The following TMEM135 variants were observed in gnomAD, a reference collection of about 807,000 sequenced individuals.
The protein encoded by TMEM135 is transmembrane protein 135.
A neutral mutation model predicts 60.3 loss-of-function variants in TMEM135; 30 were observed. The ratio of observed to expected loss-of-function variants is 0.50; its 90% CI spans 0.37 to 0.68. TMEM135 has a LOEUF of 0.68. Among genes scored for constraint, TMEM135 ranks in the 30% least tolerant of loss-of-function variants. The probability of loss-of-function intolerance (pLI) is 0.00; values close to 1 mark genes in which losing one functional copy is unlikely to be tolerated. For missense variants in TMEM135, 468 were observed against 548.8 expected, an observed-to-expected ratio of 0.85 and a Z score of 1.47; for synonymous variants, 190 against 186.7, an observed-to-expected ratio of 1.02 and a Z score of -0.14.
intron 7 of TMEM135, 25 bp downstream of exon 7, chr11:87,295,848 G>A (rs1591176773): frequency 6.3e-7 from 1 of 1,582,990 alleles, no homozygotes; most frequent in Non-Finnish European, 8.7e-7. Context: ...TTTTTATGTT[G>A]AGAGAGAATT....
At chr11:87,159,630 C>T (rs1451275065) in intron 5 of TMEM135, among the ~76,000 whole-genome samples, 1 of 149,068 alleles carries the variant, frequency 6.7e-6, no homozygotes, top group African/African-American at 2.5e-5. Flanking sequence ...ATAGATTTTC[C>T]GAGACGGTTG....
intron 5 of TMEM135, among the ~76,000 whole-genome samples, chr11:87,196,871 A>G (rs1939972623): frequency 6.6e-6 from 1 of 152,158 alleles, no homozygotes; most frequent in African/African-American, 2.4e-5. Flanking sequence ...TTACTATCCA[A>G]AATTGAATTT....
intron 6 of TMEM135, chr11:87,259,144 A>G: frequency 1.5e-6 from 1 of 681,558 alleles, no homozygotes; most frequent in South Asian, 1.5e-5. Flanking sequence ...AGTCTCTCCG[A>G]CCAGGTCTCA....
intron 5 of TMEM135, chr11:87,178,516 C>G: frequency 2.2e-6 from 1 of 456,120 alleles, no homozygotes; most frequent in South Asian, 1.5e-5. Flanking sequence ...GCCTCTGCCT[C>G]CCAGGTTCAA....
At chr11:87,143,144 CTCAGT>C (rs1219231330) in intron 4 of TMEM135, among the ~76,000 whole-genome samples, 1 of 152,038 alleles carries the variant, frequency 6.6e-6, no homozygotes, top group Non-Finnish European at 1.5e-5. Context: ...ACTTTTTTAG[CTCAGT>C]TATTTCCATT....
intron 7 of TMEM135, among the ~76,000 whole-genome samples, chr11:87,296,453 T>C (rs1021225379): frequency 1.3e-5 from 2 of 152,186 alleles, no homozygotes; most frequent in African/African-American, 4.8e-5. Flanking sequence ...GTTAACTATA[T>C]ATACTGACTC....
At chr11:87,172,669 A>G (rs1939271001) in intron 5 of TMEM135, among the ~76,000 whole-genome samples, 1 of 152,110 alleles carries the variant, frequency 6.6e-6, no homozygotes, top group Non-Finnish European at 1.5e-5. Flanking sequence ...TGAATAAGTA[A>G]AAGATTTATT....
chr11:87,120,401 C>G (rs1858020186), intron 4 of TMEM135, among the ~76,000 whole-genome samples: 1 of 149,904 alleles, frequency 6.7e-6, no homozygotes, highest in Admixed American at 6.7e-5. Context: ...AACCACTGTT[C>G]TGGACTACTT....
At chr11:87,089,153 A>G (rs1380799452) in intron 3 of TMEM135, among the ~76,000 whole-genome samples, 1 of 152,212 alleles carries the variant, frequency 6.6e-6, no homozygotes, top group Admixed American at 6.5e-5. Context: ...CAAATACTAC[A>G]AAATACAAAA....
intron 6 of TMEM135, among the ~76,000 whole-genome samples, chr11:87,237,193 G>C (rs1375896922): frequency 6.6e-6 from 1 of 151,916 alleles, no homozygotes; most frequent in South Asian, 2.1e-4. Context: ...AGGTTTGTTG[G>C]GGGCTAAGGG....
intron 5 of TMEM135, among the ~76,000 whole-genome samples, chr11:87,230,409 TAGAG>T (rs1265359565): frequency 6.6e-6 from 1 of 152,104 alleles, no homozygotes; most frequent in Non-Finnish European, 1.5e-5. Context: ...TAATGAATTA[TAGAG>T]AAATTTTTTC....
chr11:87,271,378 A>G (rs1941859094), intron 6 of TMEM135, among the ~76,000 whole-genome samples: 2 of 152,338 alleles, frequency 1.3e-5, no homozygotes, highest in South Asian at 2.1e-4. Flanking sequence ...TTTAATCTTT[A>G]GAAAGTCACT....
chr11:87,193,000 A>G (rs1939850588), intron 5 of TMEM135, among the ~76,000 whole-genome samples: 2 of 152,168 alleles, frequency 1.3e-5, no homozygotes, highest in Non-Finnish European at 2.9e-5. Flanking sequence ...CTGTAGTCCA[A>G]GCTACTTGGG....
intron 5 of TMEM135, among the ~76,000 whole-genome samples, chr11:87,232,322 TAGTTGG>T (rs1287206781): frequency 6.6e-6 from 1 of 152,068 alleles, no homozygotes; most frequent in African/African-American, 2.4e-5. Context: ...CCTATTCATG[TAGTTGG>T]AGTTCTTGAA....
At chr11:87,217,192 G>T (rs1326698647) in intron 5 of TMEM135, among the ~76,000 whole-genome samples, 3 of 152,038 alleles carry the variant, frequency 2.0e-5, no homozygotes, top group African/African-American at 4.8e-5. Flanking sequence ...TGTGATCCAG[G>T]GCTGAGCTCA....
At chr11:87,272,051 C>CTTT (rs773654603) in intron 6 of TMEM135, among the ~76,000 whole-genome samples, 1 of 81,136 alleles carries the variant, frequency 1.2e-5, no homozygotes, top group African/African-American at 4.0e-5. Context: ...TTTTTCTTTT[C>CTTT]TTTTTTTTTT....
rs555447826 is a variant in TMEM135 at position 87,259,437 on chromosome 11, C to CAT, written c.509+22762_509+22763dup. ...AGAGCGGGAATACACACACACACTA[C>CAT]ATATATATATCATGTTACATTTTTT... On this transcript the variant is annotated intron_variant, in intron 6 of 14. Transcript: ENST00000305494. Among the ~76,000 whole-genome samples the CAT allele has an allele frequency of 1.1e-4, 16 of 151,396 alleles. No homozygotes were observed. In the South Asian group the frequency reaches 2.7e-3, roughly 26 times the overall value.
chr11:87,231,559 A>G (rs1326433222), intron 5 of TMEM135, among the ~76,000 whole-genome samples: 1 of 152,200 alleles, frequency 6.6e-6, no homozygotes, highest in Non-Finnish European at 1.5e-5. Flanking sequence ...TGGGAATACA[A>G]ACATAGACAA....
At chr11:87,231,954 C>CT (rs756771540) in intron 5 of TMEM135, among the ~76,000 whole-genome samples, 9,857 of 141,990 alleles carry the variant, frequency 0.069, 354 homozygotes, top group African/African-American at 0.095. Context: ...AGAAAAGAGA[C>CT]TTTTTTTTTT....
Sources: allele counts gnomAD v4.1 joint callset (sites outside exome capture counted in the v4.1 genomes callset), GRCh38; gene constraint gnomAD v4.1.1; transcripts MANE v1.5; gene names NCBI Gene and HGNC (gene_info 2026-07-23, HGNC 2026-07-21).